PCSK2: variants seen among roughly 807,000 people sequenced by gnomAD.
PCSK2 encodes neuroendocrine convertase 2.
PCSK2 carries 14 observed loss-of-function variants against 69.7 expected under a neutral mutation model. The observed-to-expected ratio is 0.20, with a 90% CI of 0.13 to 0.31. The LOEUF is 0.31. PCSK2 is among the 10% of genes least tolerant of loss of function. The pLI, the probability that PCSK2 is intolerant of heterozygous loss-of-function variation, is 1.00. For missense variants in PCSK2, 544 were observed against 842.5 expected (o/e 0.65, Z 4.39); for synonymous variants, 307 against 320.7 (o/e 0.96, Z 0.46).
chr20:17,361,621 G>T (rs775268444), intron 4 of PCSK2, among the ~76,000 whole-genome samples: 12 of 152,204 alleles, frequency 7.9e-5, no homozygotes, highest in Non-Finnish European at 1.8e-4. Flanking sequence ...AGAACACTAT[G>T]TTCCTTAAAG....
chr20:17,449,773 T>G (rs2123374766), intron 8 of PCSK2, among the ~76,000 whole-genome samples: 1 of 151,864 alleles, frequency 6.6e-6, no homozygotes, highest in Middle Eastern at 3.4e-3. Context: ...GGGATCCACC[T>G]GCCTCAGCCT....
At chr20:17,349,342 T>C (rs774494505) in intron 2 of PCSK2, among the ~76,000 whole-genome samples, 13 of 152,244 alleles carry the variant, frequency 8.5e-5, no homozygotes, top group Non-Finnish European at 2.9e-5. Flanking sequence ...TTCCCCTTTC[T>C]GTGAGATGAA....
upstream of PCSK2, chr20:17,226,171 G>C (rs538109210): frequency 6.6e-6 from 1 of 152,268 alleles, no homozygotes; most frequent in African/African-American, 2.4e-5. Flanking sequence ...ACCTCCCGCC[G>C]TGTCCACCCC....
chr20:17,424,662 T>C (rs919441470), intron 6 of PCSK2, among the ~76,000 whole-genome samples: 2 of 152,074 alleles, frequency 1.3e-5, no homozygotes, highest in African/African-American at 4.8e-5. Flanking sequence ...CTGGCTAATT[T>C]TTGTATTTTT....
chr20:17,250,965 A>G (rs1175350910), intron 1 of PCSK2, among the ~76,000 whole-genome samples: 2 of 151,948 alleles, frequency 1.3e-5, no homozygotes, highest in Non-Finnish European at 2.9e-5. Context: ...CCAGGTGTGG[A>G]AGTAGGTGCC....
chr20:17,314,349 C>T (rs1989612085), intron 2 of PCSK2, among the ~76,000 whole-genome samples: 1 of 152,088 alleles, frequency 6.6e-6, no homozygotes, highest in Non-Finnish European at 1.5e-5. Context: ...GACTCAAACC[C>T]GGGACACAAG....
chr20:17,296,399 C>G lies in PCSK2; in HGVS notation c.282+36055C>G, dbSNP rs79704240. ...AGAATTACCAACTTTTAAAGATAAA[C>G]ATTAAATAAGATGACCTTTTGTAGA... On this transcript the variant is annotated intron_variant, in intron 2 of 11. Transcript: ENST00000262545. Among the ~76,000 whole-genome samples the G allele has an allele frequency of 5.0e-3, 768 of 152,276 alleles. 6 individuals are homozygous for G. The highest frequency in any genetic ancestry group is 0.023 in the East Asian group (120 of 5,190).
At chr20:17,416,194 G>A in intron 6 of PCSK2, among the ~76,000 whole-genome samples, 1 of 152,168 alleles carries the variant, frequency 6.6e-6, no homozygotes, top group Non-Finnish European at 1.5e-5. Context: ...TTAAACTTAA[G>A]AGCTTCTGCA....
chr20:17,342,392 A>C (rs1044511292), intron 2 of PCSK2, among the ~76,000 whole-genome samples: 1 of 152,126 alleles, frequency 6.6e-6, no homozygotes, highest in Non-Finnish European at 1.5e-5. Context: ...ATCTCCGTGC[A>C]CTGCACCCTC....
intron 2 of PCSK2, among the ~76,000 whole-genome samples, chr20:17,293,271 A>G (rs112460573): frequency 0.03 from 4,573 of 152,352 alleles, 103 homozygotes; most frequent in Middle Eastern, 0.051. Context: ...AAACTCTCAT[A>G]AAGAATAAAT....
chr20:17,264,661 A>G (rs1448928358), intron 2 of PCSK2, among the ~76,000 whole-genome samples: 1 of 152,142 alleles, frequency 6.6e-6, no homozygotes, highest in Non-Finnish European at 1.5e-5. Context: ...CAGAAATCTC[A>G]TAATACCACT....
Position 17,395,228 on chromosome 20 carries a change from G to A in PCSK2, c.544-14035G>A, listed in dbSNP as rs76532310. On this transcript the variant is annotated intron_variant, in intron 5 of 11. Transcript: ENST00000262545. ...CTGTTACAAGAAAAAACAAATAAGC[G>A]AGAAGATTACTTACAAATTTCGGGG... Among the ~76,000 whole-genome samples the A allele has an allele frequency of 4.6e-3, 696 of 152,214 alleles. 6 individuals carry two copies. Among genetic ancestry groups the A allele is most frequent in the African/African-American group, 0.016 (652 of 41,526 alleles).
intron 1 of PCSK2, among the ~76,000 whole-genome samples, chr20:17,228,728 C>G (rs1437623343): frequency 6.6e-6 from 1 of 152,194 alleles, no homozygotes; most frequent in Non-Finnish European, 1.5e-5. Context: ...TCCCAGCCAC[C>G]GCCAGGGCTC....
Position 17,278,340 on chromosome 20 carries a change from G to T in PCSK2, c.282+17996G>T, listed in dbSNP as rs146152909. Reference sequence around the variant, plus strand: ...GAACCCAAATGTCCAACAATGATAGGCTGGATTAAGAAAATGTGGCATATA... The same window carrying T: ...GAACCCAAATGTCCAACAATGATAGTCTGGATTAAGAAAATGTGGCATATA... On this transcript the variant is annotated intron_variant, in intron 2 of 11. Transcript: ENST00000262545. Among the ~76,000 whole-genome samples, 84 of 152,244 alleles carry T rather than the reference G, an allele frequency of 5.5e-4. No individual in the cohort carries two copies. The East Asian group carries it at 0.013, about 23-fold the overall frequency.
chr20:17,325,876 A>G (rs1463119615), intron 2 of PCSK2, among the ~76,000 whole-genome samples: 1 of 152,196 alleles, frequency 6.6e-6, no homozygotes, highest in Non-Finnish European at 1.5e-5. Flanking sequence ...TTCTCAAGCC[A>G]CCAGTGGGCT....
intron 2 of PCSK2, among the ~76,000 whole-genome samples, chr20:17,300,274 A>G (rs925466355): frequency 5.9e-5 from 9 of 152,192 alleles, no homozygotes. Context: ...CAACAGAGCC[A>G]TCTGTGTCTA....
At chr20:17,393,573 T>G (rs1250576291) in intron 5 of PCSK2, among the ~76,000 whole-genome samples, 1 of 151,970 alleles carries the variant, frequency 6.6e-6, no homozygotes, top group East Asian at 1.9e-4. Flanking sequence ...ATTTTTTTTC[T>G]TTTTTTTCAA....
At chr20:17,341,740 A>G (rs4814604) in intron 2 of PCSK2, among the ~76,000 whole-genome samples, 52,723 of 152,088 alleles carry the variant, frequency 0.35, 9,933 homozygotes, top group East Asian at 0.52. Flanking sequence ...CTTTCAGAAA[A>G]ATGATTCTGG....
intron 2 of PCSK2, among the ~76,000 whole-genome samples, chr20:17,280,133 A>C (rs1234256764): frequency 6.6e-6 from 1 of 152,198 alleles, no homozygotes; most frequent in Non-Finnish European, 1.5e-5. Flanking sequence ...TAGAGAGTTT[A>C]ATTTTTGTGG....
Sources: gnomAD v4.1 joint callset for allele counts (sites outside exome capture counted in the v4.1 genomes callset) on GRCh38, gnomAD v4.1.1 for gene constraint, MANE v1.5 for transcripts, NCBI Gene and HGNC (gene_info 2026-07-23, HGNC 2026-07-21) for gene names.